Variants in ZFP14 observed in about 807,000 individuals in gnomAD.
ZFP14 encodes the protein zinc finger protein 14 homolog.
In ZFP14, 22 loss-of-function variants were observed where a neutral mutation model predicts 54.5. The observed-to-expected ratio is 0.40, with a 90% CI of 0.29 to 0.58. The LOEUF is 0.58. Among genes scored for constraint, ZFP14 ranks in the 20% least tolerant of loss-of-function variants. The probability of loss-of-function intolerance (pLI) is 0.39; values close to 1 mark genes in which losing one functional copy is unlikely to be tolerated. For synonymous variants in ZFP14, 159 were observed against 204.0 expected (o/e 0.78, Z 1.88); for missense variants, 470 against 637.8 (o/e 0.74, Z 2.83).
chr19:36,362,226 A>C lies in ZFP14; in HGVS notation c.22T>G (p.Phe8Val). 1 of 1,603,020 alleles carries C rather than the reference A, an allele frequency of 6.2e-7. No homozygotes were observed. Among genetic ancestry groups the C allele is most frequent in the South Asian group, 1.1e-5 (1 of 88,980 alleles). ...GAGAAGTCTATGGCCACATCCCTGA[A>C]TGTCACTGAACCCTGAAAAAACAAA... MAHGSVT[F>V]RDVAIDFSQE... Residue 8 changes from phenylalanine (F) to valine (V), a missense_variant, in exon 3 of 5, where the codon TTC becomes GTC. Physicochemically the swap from Phe to Val is conservative, Grantham distance 50. Transcript: ENST00000270001.
chr19:36,375,384 ATTTTTTTT>A (rs747537579), intron 1 of ZFP14, among the ~76,000 whole-genome samples: 2 of 128,738 alleles, frequency 1.6e-5, no homozygotes, highest in East Asian at 2.3e-4. Context: ...GCAGGAAGGA[ATTTTTTTT>A]TTTTTTTTTT....
intron 4 of ZFP14, among the ~76,000 whole-genome samples, chr19:36,347,162 C>T (rs562825732): frequency 2.7e-4 from 41 of 152,292 alleles, no homozygotes; most frequent in Non-Finnish European, 3.7e-4. Context: ...GCATCCATGA[C>T]ACTACGGCAA....
chr19:36,357,318 C>T (rs2031631897), intron 4 of ZFP14, among the ~76,000 whole-genome samples: 1 of 152,168 alleles, frequency 6.6e-6, no homozygotes, highest in Non-Finnish European at 1.5e-5. Context: ...GCTAGGATTA[C>T]AGATGTAAGC....
intron 2 of ZFP14, chr19:36,362,813 T>A (rs938131685): frequency 3.3e-6 from 1 of 303,190 alleles, no homozygotes; most frequent in Non-Finnish European, 6.5e-6. Flanking sequence ...TGATAAAAAT[T>A]TATCCCACAT....
At position 36,339,049 on chromosome 19, in the gene ZFP14, A is replaced by T. The variant is rs904870710; in HGVS notation, c.*1175T>A. ...CTGTATTACTAGTGACCTCACATTC[A>T]TGAAATTCATTTTTGGCATGAAATT... On this transcript the variant is annotated 3_prime_UTR_variant, in exon 5 of 5. Transcript: ENST00000270001. 6.6e-6 allele frequency: 1 copy of T among 152,186 alleles called. No homozygotes were observed. The highest frequency in any genetic ancestry group is 2.4e-5 in the African/African-American group (1 of 41,440). The allele number at this position is 152,186 out of a possible 1,614,324, so 9.4% of individuals were successfully genotyped here.
intron 2 of ZFP14, among the ~76,000 whole-genome samples, chr19:36,365,301 T>C (rs1600081912): frequency 6.6e-6 from 1 of 152,210 alleles, no homozygotes; most frequent in Non-Finnish European, 1.5e-5. Flanking sequence ...TCTTTGCTTT[T>C]AGTATTTTAA....
Position 36,346,509 on chromosome 19 carries a change from G to A in ZFP14, c.236-4919C>T, listed in dbSNP as rs1389430309. ...TCTTGCTCTGTCGCCAGGCTGGAGT[G>A]TAGTGTGGCGCAGTCTCAGCTCACT... On this transcript the variant is annotated intron_variant, in intron 4 of 4. Transcript: ENST00000270001. 2.6e-5 allele frequency among the ~76,000 whole-genome samples: 4 copies of A among 151,922 alleles called. No homozygotes were observed. The East Asian group carries it at 7.7e-4, about 29-fold the overall frequency.
Position 36,360,415 on chromosome 19 carries a change from C to A in ZFP14, c.235+20G>T, listed in dbSNP as rs1490250517. 3 of 1,604,320 alleles carry A rather than the reference C, an allele frequency of 1.9e-6. No homozygotes were observed. Among genetic ancestry groups the A allele is most frequent in the Non-Finnish European group, 2.6e-6 (3 of 1,174,016 alleles). ...TACCTGCAGTAGTGATTTCTCAATG[C>A]CTGCTCAGCCCTCACTCACCAGGGC... On this transcript the variant is annotated intron_variant, in intron 4 of 4. Transcript: ENST00000270001.
chr19:36,373,209 G>A (rs781059814), intron 1 of ZFP14, among the ~76,000 whole-genome samples: 8 of 151,854 alleles, frequency 5.3e-5, no homozygotes, highest in South Asian at 2.1e-4. Context: ...CCCGGGAGGC[G>A]GAGGTTGTGG....
intron 2 of ZFP14, among the ~76,000 whole-genome samples, chr19:36,364,999 T>C (rs1231463556): frequency 3.6e-4 from 25 of 69,686 alleles, no homozygotes; most frequent in African/African-American, 4.5e-4. Flanking sequence ...TTTTTCTTTT[T>C]TTTTTTTTTT....
In ZFP14 at chr19:36,339,983, T is replaced by C; in HGVS notation, c.*241A>G. Reference sequence around the variant, plus strand: ...CCAATAAATCAAACTGGTAATCAAGTGGAGAAAGGGAGATAATGACAGATA... The same window carrying C: ...CCAATAAATCAAACTGGTAATCAAGCGGAGAAAGGGAGATAATGACAGATA... On this transcript the variant is annotated 3_prime_UTR_variant, in exon 5 of 5. Coordinates refer to ENST00000270001, the MANE Select transcript of ZFP14 (RefSeq NM_020917.3). The C allele has an allele frequency of 2.7e-6, 1 of 370,744 alleles. No individual in the cohort carries two copies. Among genetic ancestry groups the C allele is most frequent in the South Asian group, 7.7e-5 (1 of 13,018 alleles). 23.0% of individuals were successfully genotyped at this position (370,744 alleles called of 1,614,324 possible).
At chr19:36,345,280 T>C (rs889175116) in intron 4 of ZFP14, among the ~76,000 whole-genome samples, 1 of 152,248 alleles carries the variant, frequency 6.6e-6, no homozygotes, top group African/African-American at 2.4e-5. Flanking sequence ...AACAAAACTT[T>C]TGTTCCTTCA....
At chr19:36,348,957 G>A (rs1251603041) in intron 4 of ZFP14, among the ~76,000 whole-genome samples, 1 of 152,120 alleles carries the variant, frequency 6.6e-6, no homozygotes, top group East Asian at 1.9e-4. Context: ...GCTGGGCACA[G>A]TGGCTCACAC....
intron 1 of ZFP14, among the ~76,000 whole-genome samples, chr19:36,368,256 G>T (rs895592345): frequency 2.0e-5 from 3 of 152,156 alleles, no homozygotes; most frequent in Admixed American, 6.5e-5. Context: ...AGCACCTGAG[G>T]TCGGGAGTTC....
At chr19:36,366,663 C>T (rs530868127) in intron 2 of ZFP14, among the ~76,000 whole-genome samples, 12 of 152,120 alleles carry the variant, frequency 7.9e-5, no homozygotes, top group East Asian at 1.9e-4. Context: ...TTATAGTGTT[C>T]GACATCAAGA....
chr19:36,377,038 A>C (rs1053949509), intron 1 of ZFP14, among the ~76,000 whole-genome samples: 1 of 152,088 alleles, frequency 6.6e-6, no homozygotes, highest in African/African-American at 2.4e-5. Context: ...CCAAATTTCT[A>C]CTGTCTTCCC....
intron 3 of ZFP14, among the ~76,000 whole-genome samples, chr19:36,361,505 G>A (rs1229689149): frequency 6.6e-6 from 1 of 151,774 alleles, no homozygotes; most frequent in Non-Finnish European, 1.5e-5. Context: ...CTCCTAAAGT[G>A]CTAGGATTAC....
chr19:36,344,020 T>C (rs897165488), intron 4 of ZFP14, among the ~76,000 whole-genome samples: 1 of 152,176 alleles, frequency 6.6e-6, no homozygotes, highest in African/African-American at 2.4e-5. Flanking sequence ...TTCTTTGTTT[T>C]TTTGAGATGG....
In ZFP14 at chr19:36,337,557, A is replaced by C. The variant is rs1402286265; in HGVS notation, c.*2667T>G. 6.6e-6 allele frequency: 1 copy of C among 152,172 alleles called. No individual in the cohort carries two copies. Among genetic ancestry groups the C allele is most frequent in the Non-Finnish European group, 1.5e-5 (1 of 68,016 alleles). 9.4% of individuals were successfully genotyped at this position (152,172 alleles called of 1,614,324 possible). A position where few individuals can be genotyped will look rare whatever the true frequency, so the allele number is the denominator to read the frequency against. On this transcript the variant is annotated 3_prime_UTR_variant, in exon 5 of 5. Coordinates refer to ENST00000270001, the MANE Select transcript of ZFP14 (RefSeq NM_020917.3). ...ATGTGAGTAGGTAATATGCAAATACATACTATGCCATTTTATACAAGGGAC... is the reference window on the plus strand; with the variant it reads ...ATGTGAGTAGGTAATATGCAAATACCTACTATGCCATTTTATACAAGGGAC...
Sources: gnomAD v4.1 joint callset for allele counts (sites outside exome capture counted in the v4.1 genomes callset) on GRCh38, gnomAD v4.1.1 for gene constraint, MANE v1.5 for transcripts, NCBI Gene and HGNC (gene_info 2026-07-23, HGNC 2026-07-21) for gene names.